PAPPA2: variants seen among roughly 807,000 people sequenced by gnomAD.
PAPPA2 encodes the protein pappalysin-2.
In PAPPA2, 86 loss-of-function variants were observed where a neutral mutation model predicts 176.4. That is an observed-to-expected ratio of 0.49 (90% CI 0.41 to 0.58). The LOEUF is 0.58. PAPPA2 is among the 20% of genes least tolerant of loss of function. PAPPA2 has a pLI of 0.00. For synonymous variants in PAPPA2, 809 were observed against 852.2 expected (o/e 0.95, Z 0.88); for missense variants, 2,073 against 2,256.9 (o/e 0.92, Z 1.65).
At chr1:176,511,193 C>T (rs1648580108) in intron 1 of PAPPA2, among the ~76,000 whole-genome samples, 1 of 151,994 alleles carries the variant, frequency 6.6e-6, no homozygotes, top group Non-Finnish European at 1.5e-5. Context: ...AAAAAATATA[C>T]CATTCAAACA....
chr1:176,637,525 T>C (rs895657909), intron 3 of PAPPA2, among the ~76,000 whole-genome samples: 1 of 152,276 alleles, frequency 6.6e-6, no homozygotes, highest in Middle Eastern at 3.4e-3. Flanking sequence ...TTTGAATCAC[T>C]GAATTTGTGG....
intron 1 of PAPPA2, among the ~76,000 whole-genome samples, chr1:176,517,897 A>G (rs1649003300): frequency 6.6e-6 from 1 of 152,128 alleles, no homozygotes; most frequent in Non-Finnish European, 1.5e-5. Flanking sequence ...TTTTGAAAGC[A>G]GGTTTCAGTA....
chr1:176,725,718 ACACT>A (rs1331671510), intron 12 of PAPPA2, among the ~76,000 whole-genome samples: 4 of 152,188 alleles, frequency 2.6e-5, no homozygotes, highest in Non-Finnish European at 4.4e-5. Flanking sequence ...GCGCACACAC[ACACT>A]CACGGGTTTA....
intron 21 of PAPPA2, among the ~76,000 whole-genome samples, chr1:176,838,821 G>A (rs964355670): frequency 1.3e-5 from 2 of 152,216 alleles, no homozygotes; most frequent in African/African-American, 4.8e-5. Flanking sequence ...CAGCTGTTGA[G>A]TTCCACCCCA....
chr1:176,747,752 G>T (rs1442400940), intron 14 of PAPPA2, among the ~76,000 whole-genome samples: 1 of 152,106 alleles, frequency 6.6e-6, no homozygotes, highest in African/African-American at 2.4e-5. Context: ...CGCTTAGCTG[G>T]GTCATCTGTA....
intron 2 of PAPPA2, among the ~76,000 whole-genome samples, chr1:176,566,659 A>T (rs998540359): frequency 6.6e-6 from 1 of 152,214 alleles, no homozygotes; most frequent in Non-Finnish European, 1.5e-5. Context: ...GCTGGAAAGT[A>T]GGAATCACTT....
chr1:176,484,940 C>T (rs1652579213), intron 1 of PAPPA2, among the ~76,000 whole-genome samples: 1 of 152,182 alleles, frequency 6.6e-6, no homozygotes, highest in South Asian at 2.1e-4. Flanking sequence ...GGTTTCTGCT[C>T]TGGCAAGTTA....
chr1:176,719,515 T>C (rs1661522101), intron 12 of PAPPA2, among the ~76,000 whole-genome samples: 1 of 152,210 alleles, frequency 6.6e-6, no homozygotes, highest in Admixed American at 6.5e-5. Context: ...CTTTGCACTT[T>C]CAATGTTATG....
chr1:176,756,167 C>T (rs565560868), intron 14 of PAPPA2, among the ~76,000 whole-genome samples: 32 of 152,140 alleles, frequency 2.1e-4, no homozygotes, highest in Non-Finnish European at 4.6e-4. Flanking sequence ...GTTGGCCAGG[C>T]TGGTCTCGAA....
chr1:176,478,239 A>G (rs1191076709), intron 1 of PAPPA2, among the ~76,000 whole-genome samples: 1 of 152,260 alleles, frequency 6.6e-6, no homozygotes, highest in Non-Finnish European at 1.5e-5. Flanking sequence ...TTGATCTCAC[A>G]AAACCATTCC....
chr1:176,764,437 T>C (rs1180132821), intron 14 of PAPPA2, among the ~76,000 whole-genome samples: 1 of 151,834 alleles, frequency 6.6e-6, no homozygotes, highest in Non-Finnish European at 1.5e-5. Flanking sequence ...GGGGAAGGAG[T>C]TGAAACACTT....
intron 3 of PAPPA2, among the ~76,000 whole-genome samples, chr1:176,609,569 G>A (rs149823787): frequency 4.7e-4 from 72 of 152,296 alleles, no homozygotes; most frequent in East Asian, 1.9e-3. Flanking sequence ...TGAGCCACGT[G>A]GAATCTAGAT....
rs1649939431 is a variant in PAPPA2 at position 176,533,884 on chromosome 1, C to A, written c.-916-21523C>A. 3.9e-5 allele frequency among the ~76,000 whole-genome samples: 6 copies of A among 152,292 alleles called. No individual in the cohort carries two copies. The South Asian group carries it at 8.3e-4, about 21-fold the overall frequency. Reference sequence around the variant, plus strand: ...ACTAGCTGCACGTAGCTATTGAGTTCTTGAAATGCTGCTAGTCTGAACAGA... The same window carrying A: ...ACTAGCTGCACGTAGCTATTGAGTTATTGAAATGCTGCTAGTCTGAACAGA... On this transcript the variant is annotated intron_variant, in intron 1 of 22. Coordinates refer to ENST00000367662, the MANE Select transcript of PAPPA2 (RefSeq NM_020318.3).
chr1:176,593,837 A>G (rs1033685303), intron 2 of PAPPA2, among the ~76,000 whole-genome samples: 3 of 152,146 alleles, frequency 2.0e-5, no homozygotes, highest in African/African-American at 7.2e-5. Flanking sequence ...CAGTCATTCT[A>G]CTAACCCAGT....
intron 3 of PAPPA2, among the ~76,000 whole-genome samples, chr1:176,597,755 T>G (rs2102655002): frequency 6.6e-6 from 1 of 152,308 alleles, no homozygotes; most frequent in African/African-American, 2.4e-5. Context: ...AAGCAGAAGC[T>G]AAACCTCACT....
intron 4 of PAPPA2, among the ~76,000 whole-genome samples, chr1:176,671,947 A>G (rs1427337575): frequency 1.3e-5 from 2 of 149,798 alleles, no homozygotes; most frequent in African/African-American, 4.9e-5. Context: ...GCTTTAGGAG[A>G]TATACCTAAC....
intron 3 of PAPPA2, among the ~76,000 whole-genome samples, chr1:176,610,271 A>G (rs778378602): frequency 3.3e-5 from 5 of 150,688 alleles, no homozygotes; most frequent in Non-Finnish European, 5.9e-5. Flanking sequence ...AGGAATATCT[A>G]TGTCTCCTAG....
Position 176,652,745 on chromosome 1 carries a change from A to G in PAPPA2, c.1992-18225A>G, listed in dbSNP as rs543543566. On this transcript the variant is annotated intron_variant, in intron 3 of 22. Transcript: ENST00000367662. The stretch of plus-strand genomic sequence containing the variant: ...TGGACAGTTAGTTCTCCTGCCAGGG[A>G]ACCCAAGATAGTGGGGAAGCTAATT... Among the ~76,000 whole-genome samples, 4 of 151,808 alleles carry G rather than the reference A, an allele frequency of 2.6e-5. No individual in the cohort carries two copies. The South Asian group carries it at 8.3e-4, about 31-fold the overall frequency.
intron 3 of PAPPA2, among the ~76,000 whole-genome samples, chr1:176,645,799 T>A (rs1232069884): frequency 6.6e-6 from 1 of 151,708 alleles, no homozygotes; most frequent in Non-Finnish European, 1.5e-5. Context: ...GTGTAAGATA[T>A]TATCTCATGT....
Sources: allele counts gnomAD v4.1 joint callset (sites outside exome capture counted in the v4.1 genomes callset), GRCh38; gene constraint gnomAD v4.1.1; transcripts MANE v1.5; gene names NCBI Gene and HGNC (gene_info 2026-07-23, HGNC 2026-07-21).